Variants in SCYL2 observed in about 807,000 individuals in gnomAD.
SCYL2 encodes the protein SCY1 like pseudokinase 2, also known as SCY1-like protein 2.
Under a neutral mutation model 100.4 loss-of-function variants are expected in SCYL2, and 36 were observed. The ratio of observed to expected loss-of-function variants is 0.36; its 90% confidence interval spans 0.27 to 0.47. SCYL2 has a LOEUF of 0.47. Ranked by LOEUF, SCYL2 falls within the 20% of genes least tolerant of loss-of-function variation. SCYL2 has a pLI of 1.00. For synonymous variants in SCYL2, 330 were observed against 359.2 expected, an observed-to-expected ratio of 0.92 and a Z score of 0.92; for missense variants, 902 against 1,083.9, an observed-to-expected ratio of 0.83 and a Z score of 2.36.
chr12:100,281,062 G>C lies in SCYL2; in HGVS notation c.-28-1881G>C, dbSNP rs1283779427. Among the ~76,000 whole-genome samples the C allele has an allele frequency of 3.2e-5, 4 of 123,402 alleles. No individual in the cohort carries two copies. In the Admixed American group the frequency reaches 3.7e-4, roughly 12 times the overall value. 81.0% of individuals were successfully genotyped at this position (123,402 alleles called of 152,430 possible). ...TTTTTTTTTTTTGAGATAGAGCCTG[G>C]CTGTCACCCAGGCGGGAGTGCAGTG... On this transcript the variant is annotated intron_variant, in intron 1 of 17. Coordinates refer to ENST00000360820, the MANE Select transcript of SCYL2 (RefSeq NM_017988.6).
chr12:100,274,628 C>T (rs1396813136), intron 1 of SCYL2, among the ~76,000 whole-genome samples: 2 of 152,114 alleles, frequency 1.3e-5, no homozygotes, highest in Non-Finnish European at 2.9e-5. Flanking sequence ...CCTCCTCCCA[C>T]AAAATTTTTT....
At position 100,340,930 on chromosome 12, in the gene SCYL2, A is replaced by G. The variant is rs1263623556; in HGVS notation, c.*1758A>G. On this transcript the variant is annotated 3_prime_UTR_variant, in exon 18 of 18. Transcript: ENST00000360820. ...AGCCTACATATGGAATAAAATAAGT[A>G]TTGAAGAATTTTTCTTTGTAACAAT... 2.0e-5 allele frequency: 3 copies of G among 152,142 alleles called. No individual in the cohort carries two copies. The highest frequency in any genetic ancestry group is 7.2e-5 in the African/African-American group (3 of 41,456). 9.4% of individuals were successfully genotyped at this position (152,142 alleles called of 1,614,324 possible).
At chr12:100,270,623 C>CTT (rs559329533) in intron 1 of SCYL2, among the ~76,000 whole-genome samples, 18,704 of 125,488 alleles carry the variant, frequency 0.15, 1,432 homozygotes, top group Non-Finnish European at 0.2. Context: ...ATGTTGCTTT[C>CTT]TTTTTTTTTT....
chr12:100,295,322 G>A (rs1431719941), intron 3 of SCYL2, among the ~76,000 whole-genome samples: 2 of 152,092 alleles, frequency 1.3e-5, no homozygotes, highest in Admixed American at 6.5e-5. Context: ...ATGCAATCTC[G>A]GCACTTTGGG....
chr12:100,288,162 C>A lies in SCYL2; in HGVS notation c.178-3341C>A, dbSNP rs1056766013. On this transcript the variant is annotated intron_variant, in intron 2 of 17. Coordinates refer to ENST00000360820, the MANE Select transcript of SCYL2 (RefSeq NM_017988.6). ...TGAGGCCTGAGGATTAACAACACAA[C>A]CTTGTTAACATTGGTTAATTTTAAT... Among the ~76,000 whole-genome samples the A allele has an allele frequency of 2.4e-4, 36 of 152,076 alleles. 1 individual carries two copies.
chr12:100,303,266 T>G (rs1303042462), intron 4 of SCYL2, among the ~76,000 whole-genome samples: 1 of 152,118 alleles, frequency 6.6e-6, no homozygotes, highest in African/African-American at 2.4e-5. Context: ...TCAAACTTAT[T>G]CTCTGTCCAG....
At chr12:100,298,504 T>G (rs1193246286) in intron 4 of SCYL2, among the ~76,000 whole-genome samples, 1 of 152,204 alleles carries the variant, frequency 6.6e-6, no homozygotes, top group Non-Finnish European at 1.5e-5. Flanking sequence ...AATAAAAATT[T>G]TATCTTTAAG....
Position 100,326,718 on chromosome 12 carries a change from C to A in SCYL2, c.1606C>A (p.Pro536Thr). The change falls in exon 12 of 18, where the codon CCA becomes ACA. Residue 536 changes from proline to threonine, a missense_variant. Transcript: ENST00000360820. Reference sequence around the variant, plus strand: ...TATCCTACCCTTCTTACAACAAATTCCATCCAAGGAACCTGCGGTCCTCAT... The same window carrying A: ...TATCCTACCCTTCTTACAACAAATTACATCCAAGGAACCTGCGGTCCTCAT... ...DDILPFLQQI[P>T]SKEPAVLMGI... 6.2e-7 allele frequency: 1 copy of A among 1,611,442 alleles called. No homozygotes were observed. The highest frequency in any genetic ancestry group is 8.5e-7 in the Non-Finnish European group (1 of 1,179,126).
chr12:100,282,555 C>T (rs1339818780), intron 1 of SCYL2, among the ~76,000 whole-genome samples: 2 of 152,014 alleles, frequency 1.3e-5, no homozygotes, highest in Non-Finnish European at 2.9e-5. Flanking sequence ...AAACTTCTGA[C>T]CTCAGGTGAT....
chr12:100,306,478 A>T (rs1477882545), intron 4 of SCYL2, among the ~76,000 whole-genome samples: 1 of 152,224 alleles, frequency 6.6e-6, no homozygotes, highest in Non-Finnish European at 1.5e-5. Flanking sequence ...AACTCTCAAT[A>T]AACTAGGTTT....
At chr12:100,318,897 A>G (rs2096352496) in intron 10 of SCYL2, among the ~76,000 whole-genome samples, 1 of 152,204 alleles carries the variant, frequency 6.6e-6, no homozygotes, top group Non-Finnish European at 1.5e-5. Flanking sequence ...CTTTGCGATT[A>G]AAATTTTGGT....
At chr12:100,310,481 C>G (rs1030187292) in intron 4 of SCYL2, among the ~76,000 whole-genome samples, 2 of 152,136 alleles carry the variant, frequency 1.3e-5, no homozygotes, top group Non-Finnish European at 2.9e-5. Context: ...CATTGGCTTG[C>G]CAAAAGCTAC....
chr12:100,290,681 G>T (rs958084265), intron 2 of SCYL2, among the ~76,000 whole-genome samples: 8 of 152,170 alleles, frequency 5.3e-5, no homozygotes, highest in African/African-American at 1.9e-4. Context: ...AATTCTGAAA[G>T]AGTTTCTAAA....
chr12:100,333,014 C>A (rs1001089185), intron 13 of SCYL2, among the ~76,000 whole-genome samples: 15 of 151,732 alleles, frequency 9.9e-5, no homozygotes, highest in African/African-American at 3.6e-4. Flanking sequence ...CATGCCTGGA[C>A]CGATGTTGTT....
chr12:100,270,987 T>C (rs993780670), intron 1 of SCYL2, among the ~76,000 whole-genome samples: 5 of 152,088 alleles, frequency 3.3e-5, no homozygotes, highest in Admixed American at 2.0e-4. Context: ...TTGTCTTCTG[T>C]AATCTGTTCT....
intron 4 of SCYL2, among the ~76,000 whole-genome samples, chr12:100,305,694 A>G (rs974391467): frequency 6.6e-6 from 1 of 151,752 alleles, no homozygotes; most frequent in Non-Finnish European, 1.5e-5. Flanking sequence ...CCTTAAAAAT[A>G]AATCAGTGAA....
chr12:100,279,291 C>T (rs1351605653), intron 1 of SCYL2, among the ~76,000 whole-genome samples: 3 of 152,318 alleles, frequency 2.0e-5, no homozygotes, highest in African/African-American at 7.2e-5. Context: ...GTTCAGGCTC[C>T]TTTGAGAATC....
chr12:100,294,542 T>C, intron 3 of SCYL2, among the ~76,000 whole-genome samples: 1 of 128,738 alleles, frequency 7.8e-6, no homozygotes, highest in Admixed American at 7.5e-5. Context: ...CCCACCTCCC[T>C]CCCAGACCGG....
intron 4 of SCYL2, among the ~76,000 whole-genome samples, chr12:100,299,617 A>G (rs1035711756): frequency 2.3e-4 from 35 of 152,040 alleles, no homozygotes; most frequent in African/African-American, 8.0e-4. Context: ...GTGGAATCAT[A>G]TGGTACCTAT....
Sources: allele counts gnomAD v4.1 joint callset (sites outside exome capture counted in the v4.1 genomes callset), GRCh38; gene constraint gnomAD v4.1.1; transcripts MANE v1.5; gene names NCBI Gene and HGNC (gene_info 2026-07-23, HGNC 2026-07-21).